The following ARAP2 variants were observed in gnomAD, a reference collection of about 807,000 sequenced individuals.
ARAP2 encodes arf-GAP with Rho-GAP domain, ANK repeat and PH domain-containing protein 2.
Under a neutral mutation model 194.5 loss-of-function variants are expected in ARAP2, and 148 were observed. That is an observed-to-expected ratio of 0.76 (90% CI 0.67 to 0.87). The LOEUF is 0.87. Among genes scored for constraint, ARAP2 ranks in the 40% least tolerant of loss-of-function variants. The pLI, the probability that ARAP2 is intolerant of heterozygous loss-of-function variation, is 0.00. For synonymous variants in ARAP2, 695 were observed against 683.5 expected (o/e 1.02, Z -0.26); for missense variants, 2,128 against 1,989.7 (o/e 1.07, Z -1.32).
chr4:36,121,799 T>C (rs1210627710), intron 22 of ARAP2, among the ~76,000 whole-genome samples: 1 of 151,676 alleles, frequency 6.6e-6, no homozygotes, highest in African/African-American at 2.4e-5. Flanking sequence ...TTCCAGAAAG[T>C]GCAAATCAAA....
chr4:36,183,606 T>C lies in ARAP2; in HGVS notation c.1678+3845A>G, dbSNP rs528009805. ...GCAGGTGCAAAGGAATACAGACTGA[T>C]TGGAGAGATCAATAGCTGTTATGAT... On this transcript the variant is annotated intron_variant, in intron 8 of 32. Coordinates refer to ENST00000303965, the MANE Select transcript of ARAP2 (RefSeq NM_015230.4). 3.9e-5 allele frequency among the ~76,000 whole-genome samples: 6 copies of C among 152,352 alleles called. No homozygotes were observed. In the East Asian group the frequency reaches 5.8e-4, roughly 15 times the overall value.
rs762159864 is a variant in ARAP2, at chr4:36,128,495, CACACACACAT to C, written c.3640+28_3640+37del. 1.5e-5 allele frequency: 23 copies of C among 1,510,830 alleles called. 1 individual carries two copies. Among genetic ancestry groups the C allele is most frequent in the Non-Finnish European group, 2.1e-5 (23 of 1,087,830 alleles). 93.6% of individuals were successfully genotyped at this position (1,510,830 alleles called of 1,614,324 possible). Reference sequence around the variant, plus strand: ...TATATTATACACACACACACACACACACACACACATATCTACAAATATCTGTATAAATATT... The same window carrying C: ...TATATTATACACACACACACACACACATCTACAAATATCTGTATAAATATT... On this transcript the variant is annotated intron_variant, in intron 21 of 32. Coordinates refer to ENST00000303965, the MANE Select transcript of ARAP2 (RefSeq NM_015230.4).
intron 5 of ARAP2, among the ~76,000 whole-genome samples, chr4:36,021,644 T>C (rs1716964890): frequency 6.6e-6 from 1 of 152,184 alleles, no homozygotes; most frequent in African/African-American, 2.4e-5. Context: ...TGCAGAACCA[T>C]AAGCCAATTC....
rs1186745600 is a variant in ARAP2 at position 36,107,600 on chromosome 4, C to A, written c.4250G>T (p.Arg1417Ile). 3 of 1,610,628 alleles carry A rather than the reference C, an allele frequency of 1.9e-6. No homozygotes were observed. The highest frequency in any genetic ancestry group is 2.5e-6 in the Non-Finnish European group (3 of 1,177,998). ...EPGSAYLVVK[R>I]FLTADTIKHC... is the part of the protein sequence containing the mutation. ...TTTAATTGTGTCAGCGGTTAAGAAT[C>A]TCTTCACCACCAGGTAAGCAGAGCC... Residue 1417 changes from arginine (R) to isoleucine (I), a missense_variant, in exon 27 of 33, where the codon AGA (arginine) becomes ATA (isoleucine). Coordinates refer to ENST00000303965, the MANE Select transcript of ARAP2 (RefSeq NM_015230.4).
At chr4:36,222,441 A>G (rs1372973610) in intron 2 of ARAP2, among the ~76,000 whole-genome samples, 1 of 152,046 alleles carries the variant, frequency 6.6e-6, no homozygotes, top group Non-Finnish European at 1.5e-5. Flanking sequence ...TGTTTTTAAA[A>G]TCAAACATTA....
At chr4:36,028,931 A>G (rs1291689715) in intron 5 of ARAP2, among the ~76,000 whole-genome samples, 4 of 151,898 alleles carry the variant, frequency 2.6e-5, no homozygotes, top group Non-Finnish European at 4.4e-5. Flanking sequence ...CAGTTTTGTT[A>G]TACTGTGATT....
chr4:36,206,945 T>A (rs1415840075), intron 6 of ARAP2, among the ~76,000 whole-genome samples: 1 of 152,252 alleles, frequency 6.6e-6, no homozygotes, highest in Middle Eastern at 3.2e-3. Context: ...TAATATACAG[T>A]GCAGTTTTTA....
intron 2 of ARAP2, among the ~76,000 whole-genome samples, chr4:36,226,281 CAGA>C (rs1427739606): frequency 2.6e-5 from 4 of 152,134 alleles, no homozygotes; most frequent in African/African-American, 9.7e-5. Context: ...AAGCTTACAA[CAGA>C]AGGAGTTGAA....
chr4:36,132,882 C>T (rs905098440), intron 20 of ARAP2, among the ~76,000 whole-genome samples: 1 of 151,682 alleles, frequency 6.6e-6, no homozygotes, highest in Non-Finnish European at 1.5e-5. Context: ...TTAATCTAGC[C>T]TTGTAATCTC....
chr4:36,010,401 G>C (rs1206098760), intron 9 of ARAP2, among the ~76,000 whole-genome samples: 1 of 151,920 alleles, frequency 6.6e-6, no homozygotes, highest in Non-Finnish European at 1.5e-5. Flanking sequence ...ATGCTTTCCA[G>C]AGTCACCCTG....
downstream of ARAP2, among the ~76,000 whole-genome samples, chr4:36,064,007 T>C (rs1724909398): frequency 6.6e-6 from 1 of 152,218 alleles, no homozygotes; most frequent in Admixed American, 6.5e-5. Flanking sequence ...ATAGTTACGT[T>C]CATAAGTCAT....
intron 20 of ARAP2, among the ~76,000 whole-genome samples, chr4:36,131,042 C>T (rs1227296061): frequency 6.6e-6 from 1 of 151,756 alleles, no homozygotes; most frequent in East Asian, 1.9e-4. Context: ...AACCTTGACA[C>T]AATGACACAA....
In ARAP2 at chr4:36,067,214, G is replaced by C. The variant is rs914023578; in HGVS notation, c.*693C>G. On this transcript the variant is annotated 3_prime_UTR_variant, in exon 33 of 33. Coordinates refer to ENST00000303965, the MANE Select transcript of ARAP2 (RefSeq NM_015230.4). ...CTATAAATATTAATAAGAGTGGCTA[G>C]TGCTATTATTTACATCTGTTGGCCG... The C allele has an allele frequency of 1.3e-5, 2 of 152,630 alleles. No homozygotes were observed. Among genetic ancestry groups the C allele is most frequent in the Non-Finnish European group, 2.9e-5 (2 of 68,022 alleles). 9.5% of individuals were successfully genotyped at this position (152,630 alleles called of 1,614,324 possible).
intron 5 of ARAP2, among the ~76,000 whole-genome samples, chr4:36,039,067 T>A (rs775966787): frequency 7.2e-5 from 11 of 151,860 alleles, no homozygotes; most frequent in Non-Finnish European, 1.3e-4. Context: ...AAAAATCAGG[T>A]GAAGGAGTAA....
intron 5 of ARAP2, among the ~76,000 whole-genome samples, chr4:36,019,883 G>C (rs976104678): frequency 3.9e-5 from 6 of 152,134 alleles, no homozygotes; most frequent in Admixed American, 1.3e-4. Context: ...TTATGCAAGA[G>C]AGCTATCTTC....
intron 9 of ARAP2, among the ~76,000 whole-genome samples, chr4:36,009,112 T>C (rs1713903473): frequency 6.6e-6 from 1 of 152,108 alleles, no homozygotes; most frequent in Non-Finnish European, 1.5e-5. Flanking sequence ...GTAAACTAGT[T>C]CAGTCACTGT....
intron 6 of ARAP2, among the ~76,000 whole-genome samples, chr4:36,197,048 A>G (rs1005517474): frequency 2.0e-5 from 3 of 151,630 alleles, no homozygotes; most frequent in African/African-American, 7.3e-5. Flanking sequence ...GTAATGATAT[A>G]TTTGTTTTGG....
intron 5 of ARAP2, among the ~76,000 whole-genome samples, chr4:36,044,605 G>A (rs1307568623): frequency 6.6e-6 from 1 of 152,044 alleles, no homozygotes; most frequent in Non-Finnish European, 1.5e-5. Flanking sequence ...GGAAAACATA[G>A]CAGAAAAGCT....
intron 6 of ARAP2, among the ~76,000 whole-genome samples, chr4:36,204,708 A>G (rs1256850750): frequency 6.6e-6 from 1 of 152,148 alleles, no homozygotes; most frequent in Non-Finnish European, 1.5e-5. Flanking sequence ...TTAAGCAAAC[A>G]GGCCGGGCAC....
Sources: allele counts gnomAD v4.1 joint callset (sites outside exome capture counted in the v4.1 genomes callset), GRCh38; gene constraint gnomAD v4.1.1; transcripts MANE v1.5; gene names NCBI Gene and HGNC (gene_info 2026-07-23, HGNC 2026-07-21).